Variants in MYO5B observed in about 807,000 individuals in gnomAD.
MYO5B encodes the protein myosin VB.
MYO5B carries 143 observed loss-of-function variants against 229.3 expected under a neutral mutation model. The observed-to-expected ratio is 0.62, with a 90% CI of 0.54 to 0.72. The LOEUF (loss-of-function observed/expected upper bound fraction) is 0.72. MYO5B is among the 30% of genes least tolerant of loss of function. The pLI, the probability that MYO5B is intolerant of heterozygous loss-of-function variation, is 0.00. For missense variants in MYO5B, 2,321 were observed against 2,331.0 expected, an observed-to-expected ratio of 1.00 and a Z score of 0.09; for synonymous variants, 918 against 885.2, an observed-to-expected ratio of 1.04 and a Z score of -0.66.
At chr18:50,102,236 C>T (rs1358668079) in intron 1 of MYO5B, among the ~76,000 whole-genome samples, 1 of 152,080 alleles carries the variant, frequency 6.6e-6, no homozygotes, top group Non-Finnish European at 1.5e-5. Flanking sequence ...ACAACATACA[C>T]TGAGAACTGT....
chr18:49,932,132 T>C (rs995015787), intron 16 of MYO5B, among the ~76,000 whole-genome samples: 2 of 152,156 alleles, frequency 1.3e-5, no homozygotes, highest in Admixed American at 6.5e-5. Flanking sequence ...AACCCCGTCA[T>C]TCCTTAAAAG....
chr18:50,156,828 T>A (rs2032686490), intron 1 of MYO5B, among the ~76,000 whole-genome samples: 1 of 152,166 alleles, frequency 6.6e-6, no homozygotes, highest in African/African-American at 2.4e-5. Context: ...ACCTCTCCCA[T>A]CCCAGCCATC....
chr18:50,118,004 T>C (rs2031994056), intron 1 of MYO5B, among the ~76,000 whole-genome samples: 1 of 152,136 alleles, frequency 6.6e-6, no homozygotes, highest in Non-Finnish European at 1.5e-5. Flanking sequence ...GAAAGGATAA[T>C]AAATTCAAGT....
intron 1 of MYO5B, among the ~76,000 whole-genome samples, chr18:50,093,525 C>T (rs2031491266): frequency 6.6e-6 from 1 of 152,132 alleles, no homozygotes; most frequent in South Asian, 2.1e-4. Flanking sequence ...GCAACTCCAT[C>T]TGGAAGAGGG....
In MYO5B at chr18:50,054,584, A is replaced by C. The variant is rs2030493103; in HGVS notation, c.138+684T>G. On this transcript the variant is annotated intron_variant, in intron 2 of 39. Coordinates refer to ENST00000285039, the MANE Select transcript of MYO5B (RefSeq NM_001080467.3). ...CACCAGTTGCAGAGGCAGTGGTCAC[A>C]AAAGGCTCATGAGAAGGTAAACTAA... Among the ~76,000 whole-genome samples the C allele has an allele frequency of 2.0e-5, 3 of 152,342 alleles. No homozygotes were observed. In the South Asian group the frequency reaches 6.2e-4, roughly 32 times the overall value.
At chr18:50,178,795 TA>T (rs2033032106) in intron 1 of MYO5B, among the ~76,000 whole-genome samples, 1 of 152,178 alleles carries the variant, frequency 6.6e-6, no homozygotes, top group African/African-American at 2.4e-5. Flanking sequence ...TCTGTCCCAT[TA>T]ACTAAGAACT....
intron 5 of MYO5B, 104 bp from the exon 6 acceptor site, chr18:49,992,535 A>C: frequency 6.6e-7 from 1 of 1,506,954 alleles, no homozygotes; most frequent in South Asian, 1.1e-5. Context: ...TTCCTTACTT[A>C]CAGAAACCCT....
chr18:49,987,118 C>T (rs553447620), intron 7 of MYO5B, among the ~76,000 whole-genome samples: 4 of 152,110 alleles, frequency 2.6e-5, no homozygotes, highest in Admixed American at 6.5e-5. Context: ...GATGTTGCTA[C>T]GAATCAGATA....
chr18:50,042,110 G>C (rs951166086), intron 2 of MYO5B, among the ~76,000 whole-genome samples: 1 of 152,152 alleles, frequency 6.6e-6, no homozygotes, highest in Non-Finnish European at 1.5e-5. Context: ...CACTTGTGGG[G>C]ACAGATTGGT....
At chr18:50,169,623 G>C (rs2144331692) in intron 1 of MYO5B, among the ~76,000 whole-genome samples, 3 of 127,748 alleles carry the variant, frequency 2.3e-5, no homozygotes, top group Middle Eastern at 8.3e-3. Context: ...CAGATTGGAA[G>C]AGACTAGAGA....
chr18:49,849,768 G>C, intron 31 of MYO5B, 108 bp from the exon 32 acceptor site: 1 of 836,384 alleles, frequency 1.2e-6, no homozygotes, highest in Non-Finnish European at 2.1e-6. Flanking sequence ...ATGGGCAGCC[G>C]TCAGAAATGC....
intron 1 of MYO5B, among the ~76,000 whole-genome samples, chr18:50,093,106 A>C (rs1244310756): frequency 6.6e-6 from 1 of 152,158 alleles, no homozygotes; most frequent in Non-Finnish European, 1.5e-5. Context: ...AAACATGAAA[A>C]GATGCTCAAC....
chr18:49,849,858 A>T, intron 31 of MYO5B, 198 bp from the exon 32 acceptor site: 1 of 627,598 alleles, frequency 1.6e-6, no homozygotes, highest in Admixed American at 2.3e-5. Flanking sequence ...GTGGGAGATG[A>T]TGAGTCAGAG....
rs566497293 is a variant in MYO5B, at chr18:50,058,157, A to G, written c.28-2779T>C. On this transcript the variant is annotated intron_variant, in intron 1 of 39. Coordinates refer to ENST00000285039, the MANE Select transcript of MYO5B (RefSeq NM_001080467.3). ...TTCATTGATGTATTATCTATTTAAT[A>G]CTTTCACATTTTAATGCTAGAATTG... Among the ~76,000 whole-genome samples the G allele has an allele frequency of 2.6e-5, 4 of 152,350 alleles. No individual in the cohort carries two copies. In the South Asian group the frequency reaches 8.3e-4, roughly 32 times the overall value.
chr18:50,124,617 A>G (rs1014510356), intron 1 of MYO5B, among the ~76,000 whole-genome samples: 7 of 152,196 alleles, frequency 4.6e-5, no homozygotes, highest in Admixed American at 6.5e-5. Flanking sequence ...AAGGAAAGAC[A>G]TGTATAGCCT....
At chr18:49,915,465 C>T (rs780523927) in intron 17 of MYO5B, among the ~76,000 whole-genome samples, 39 of 152,226 alleles carry the variant, frequency 2.6e-4, no homozygotes, top group Non-Finnish European at 4.3e-4. Flanking sequence ...CATGTGGATT[C>T]CCTTCAGAAG....
chr18:49,999,298 G>A (rs1260293919), intron 5 of MYO5B, among the ~76,000 whole-genome samples: 1 of 152,222 alleles, frequency 6.6e-6, no homozygotes, highest in Non-Finnish European at 1.5e-5. Context: ...TAGAACATGA[G>A]GTTAATTGTG....
At chr18:50,003,784 G>C (rs1010953349) in intron 4 of MYO5B, among the ~76,000 whole-genome samples, 6 of 152,224 alleles carry the variant, frequency 3.9e-5, no homozygotes, top group African/African-American at 1.2e-4. Context: ...AGTTTAGAAT[G>C]TATCTAAGCC....
intron 16 of MYO5B, among the ~76,000 whole-genome samples, chr18:49,932,039 G>A (rs913951823): frequency 6.6e-5 from 10 of 152,176 alleles, no homozygotes; most frequent in African/African-American, 2.4e-4. Context: ...ATGGGCTATG[G>A]GACCAGCTGG....
Sources: gnomAD v4.1 joint callset for allele counts (sites outside exome capture counted in the v4.1 genomes callset) on GRCh38, gnomAD v4.1.1 for gene constraint, MANE v1.5 for transcripts, NCBI Gene and HGNC (gene_info 2026-07-23, HGNC 2026-07-21) for gene names.